Variants in NAALADL2 observed in about 807,000 individuals in gnomAD.
NAALADL2 encodes the protein inactive N-acetylated-alpha-linked acidic dipeptidase-like protein 2.
A neutral mutation model predicts 87.2 loss-of-function variants in NAALADL2; 76 were observed. The observed-to-expected ratio is 0.87, with a 90% CI of 0.72 to 1.05. The LOEUF (loss-of-function observed/expected upper bound fraction) is 1.05, where lower values mean the gene tolerates loss of function less well. Ranked by LOEUF, NAALADL2 falls within the 50% of genes least tolerant of loss-of-function variation. The pLI is 0.00. For missense variants in NAALADL2, 1,089 were observed against 945.8 expected (o/e 1.15, Z -1.99); for synonymous variants, 354 against 331.0 (o/e 1.07, Z -0.75).
At chr3:175,231,246 G>T (rs1224216949) in intron 2 of NAALADL2, among the ~76,000 whole-genome samples, 1 of 151,916 alleles carries the variant, frequency 6.6e-6, no homozygotes, top group African/African-American at 2.4e-5. Context: ...GTAAGTGATT[G>T]AATAGAGAAA....
chr3:175,439,355 C>T (rs977159598), intron 5 of NAALADL2, among the ~76,000 whole-genome samples: 1 of 151,592 alleles, frequency 6.6e-6, no homozygotes, highest in Non-Finnish European at 1.5e-5. Context: ...TGGGTGGATA[C>T]TCAGGAGTGG....
At chr3:175,680,974 G>A (rs1389684835) in intron 11 of NAALADL2, among the ~76,000 whole-genome samples, 1 of 152,042 alleles carries the variant, frequency 6.6e-6, no homozygotes, top group Non-Finnish European at 1.5e-5. Flanking sequence ...TTAGCTGGGT[G>A]TGGTGGTGCA....
chr3:175,606,496 G>T lies in NAALADL2; in HGVS notation c.1801-20795G>T, dbSNP rs148698384. ...CTATTTTGTCACCTTAAGGGCAAAA[G>T]ATATTTTCTTTAAGCTTAAATTCAC... On this transcript the variant is annotated intron_variant, in intron 10 of 13. Coordinates refer to ENST00000454872, the MANE Select transcript of NAALADL2 (RefSeq NM_207015.3). Among the ~76,000 whole-genome samples, 1,378 of 151,844 alleles carry T rather than the reference G, an allele frequency of 9.1e-3. 22 individuals are homozygous for T. The highest frequency in any genetic ancestry group is 0.032 in the African/African-American group (1,324 of 41,430).
chr3:174,746,625 A>G (rs576018442), intron 3 of NAALADL2, among the ~76,000 whole-genome samples: 39 of 152,238 alleles, frequency 2.6e-4, no homozygotes, highest in African/African-American at 9.4e-4. Flanking sequence ...TATAGCTAAG[A>G]CAATCCTAAG....
At chr3:174,615,311 T>A (rs1720348929) in intron 2 of NAALADL2, among the ~76,000 whole-genome samples, 1 of 152,170 alleles carries the variant, frequency 6.6e-6, no homozygotes, top group South Asian at 2.1e-4. Context: ...CTAGTGATGG[T>A]TTAGACAGTG....
chr3:174,714,246 C>CT (rs1730967600), intron 2 of NAALADL2, among the ~76,000 whole-genome samples: 1 of 152,142 alleles, frequency 6.6e-6, no homozygotes, highest in Admixed American at 6.5e-5. Flanking sequence ...ATACCCCTAG[C>CT]TTTGTTCTTT....
intron 1 of NAALADL2, among the ~76,000 whole-genome samples, chr3:175,092,477 T>C (rs759891953): frequency 2.6e-5 from 4 of 151,954 alleles, no homozygotes; most frequent in Non-Finnish European, 5.9e-5. Flanking sequence ...ATCTGTATTA[T>C]CTAAAATATT....
intron 10 of NAALADL2, among the ~76,000 whole-genome samples, chr3:175,576,459 A>G (rs2149558321): frequency 6.6e-6 from 1 of 152,334 alleles, no homozygotes; most frequent in Non-Finnish European, 1.5e-5. Flanking sequence ...CAGTAGTTGG[A>G]TTAACATCAA....
intron 1 of NAALADL2, among the ~76,000 whole-genome samples, chr3:174,545,582 T>G (rs1293517307): frequency 1.3e-5 from 2 of 152,188 alleles, no homozygotes; most frequent in Non-Finnish European, 2.9e-5. Context: ...GGTGCTTCTT[T>G]ACTCAGAAAA....
intron 5 of NAALADL2, among the ~76,000 whole-genome samples, chr3:175,392,316 A>G (rs937237948): frequency 2.0e-5 from 3 of 152,198 alleles, no homozygotes; most frequent in African/African-American, 7.2e-5. Flanking sequence ...TTTTTTTTGT[A>G]AACACACTAT....
At chr3:175,112,439 A>G (rs1201398428) in intron 2 of NAALADL2, 3 of 151,804 alleles carry the variant, frequency 2.0e-5, no homozygotes, top group East Asian at 3.9e-4. Flanking sequence ...ATTCTGCTTT[A>G]TAAGTAAGTC....
chr3:175,482,465 A>G (rs910904827), intron 9 of NAALADL2, among the ~76,000 whole-genome samples: 1 of 151,974 alleles, frequency 6.6e-6, no homozygotes, highest in African/African-American at 2.4e-5. Flanking sequence ...CAGTGTCTTT[A>G]AAAGCATTTA....
intron 1 of NAALADL2, among the ~76,000 whole-genome samples, chr3:174,947,545 G>C (rs1223386195): frequency 6.6e-6 from 1 of 152,040 alleles, no homozygotes; most frequent in East Asian, 1.9e-4. Flanking sequence ...CAAGACATAA[G>C]AAGAATGTGG....
intron 4 of NAALADL2, among the ~76,000 whole-genome samples, chr3:175,286,943 A>G (rs1581260598): frequency 9.6e-6 from 1 of 103,988 alleles, no homozygotes; most frequent in Admixed American, 1.4e-4. Flanking sequence ...TCAGCAAGGC[A>G]GGGTGGTCTG....
chr3:174,944,953 A>G (rs1336094666), intron 1 of NAALADL2, among the ~76,000 whole-genome samples: 1 of 152,010 alleles, frequency 6.6e-6, no homozygotes, highest in African/African-American at 2.4e-5. Context: ...CTTGATGAGT[A>G]CTGGATGTTT....
At chr3:174,476,798 G>T (rs1717244127) in intron 1 of NAALADL2, among the ~76,000 whole-genome samples, 1 of 152,026 alleles carries the variant, frequency 6.6e-6, no homozygotes, top group African/African-American at 2.4e-5. Flanking sequence ...CAGAGGATAT[G>T]TAGTTATGCA....
At chr3:175,386,586 C>T (rs1454705012) in intron 5 of NAALADL2, among the ~76,000 whole-genome samples, 1 of 151,810 alleles carries the variant, frequency 6.6e-6, no homozygotes, top group Non-Finnish European at 1.5e-5. Flanking sequence ...CACCCTTATC[C>T]CCAGTATTGC....
In NAALADL2 at chr3:175,199,864, A is replaced by ATTTTTTTTT. The variant is rs869050569; in HGVS notation, c.546-34047_546-34039dup. 1.0e-3 allele frequency among the ~76,000 whole-genome samples: 13 copies of ATTTTTTTTT among 13,054 alleles called. 1 individual carries two copies. Among genetic ancestry groups the ATTTTTTTTT allele is most frequent in the Non-Finnish European group, 1.6e-3 (11 of 6,932 alleles). 8.6% of individuals were successfully genotyped at this position (13,054 alleles called of 152,430 possible). On this transcript the variant is annotated intron_variant, in intron 2 of 13. Transcript: ENST00000454872. ...TATATATATATATATATATATATATATTTTTTTTTTTTTTTTTTTTTTTTT... is the reference window on the plus strand; with the variant it reads ...TATATATATATATATATATATATATATTTTTTTTTTTTTTTTTTTTTTTTTTTTTTTTTT...
At chr3:174,662,125 A>T (rs944027628) in intron 2 of NAALADL2, among the ~76,000 whole-genome samples, 34 of 152,134 alleles carry the variant, frequency 2.2e-4, no homozygotes, top group Middle Eastern at 3.4e-3. Context: ...TTGAAAATTT[A>T]AAAAAAATTA....
Sources: allele counts gnomAD v4.1 joint callset (sites outside exome capture counted in the v4.1 genomes callset), GRCh38; gene constraint gnomAD v4.1.1; transcripts MANE v1.5; gene names NCBI Gene and HGNC (gene_info 2026-07-23, HGNC 2026-07-21).